CAST: variants seen among roughly 807,000 people sequenced by gnomAD.
The protein encoded by CAST is calpastatin.
A neutral mutation model predicts 119.6 loss-of-function variants in CAST; 76 were observed. That is an observed-to-expected ratio of 0.64 (90% confidence interval 0.53 to 0.77). The LOEUF is 0.77. Ranked by LOEUF, CAST falls within the 30% of genes least tolerant of loss-of-function variation. The probability of loss-of-function intolerance (pLI) is 0.00; values close to 1 mark genes in which losing one functional copy is unlikely to be tolerated. For synonymous variants in CAST, 319 were observed against 331.6 expected (o/e 0.96, Z 0.41); for missense variants, 953 against 946.5 (o/e 1.01, Z -0.09).
chr5:96,059,329 C>T, the CAST span, among the ~76,000 whole-genome samples: 1 of 152,114 alleles, frequency 6.6e-6, no homozygotes. Flanking sequence ...AGCTACAATT[C>T]TTTGCCAAAG....
chr5:96,298,886 G>GTGTGTGTGTT, the CAST span, among the ~76,000 whole-genome samples: 4 of 151,722 alleles, frequency 2.6e-5, no homozygotes, highest in Non-Finnish European at 5.9e-5. Context: ...GAGAGTGTGT[G>GTGTGTGTGTT]TGTGTGTGTG....
At chr5:96,362,916 G>A in the CAST span, among the ~76,000 whole-genome samples, 1 of 152,158 alleles carries the variant, frequency 6.6e-6, no homozygotes, top group Non-Finnish European at 1.5e-5. Flanking sequence ...GCCCATGCCT[G>A]TGTCCTGAAT....
the CAST span, among the ~76,000 whole-genome samples, chr5:96,284,671 A>G: frequency 6.6e-6 from 1 of 152,324 alleles, no homozygotes; most frequent in South Asian, 2.1e-4. Flanking sequence ...TCTGTATGCC[A>G]TACTAATTAC....
the CAST span, among the ~76,000 whole-genome samples, chr5:96,483,483 C>CA: frequency 6.6e-6 from 1 of 151,742 alleles, no homozygotes; most frequent in Admixed American, 6.6e-5. Flanking sequence ...GAGGTTAATT[C>CA]AAAAAACACT....
At chr5:96,398,411 A>G in the CAST span, among the ~76,000 whole-genome samples, 14 of 152,234 alleles carry the variant, frequency 9.2e-5, no homozygotes, top group Non-Finnish European at 2.1e-4. Context: ...ATGTTCATAC[A>G]TCATATAAAA....
At chr5:96,219,163 AC>A in the CAST span, among the ~76,000 whole-genome samples, 1 of 152,152 alleles carries the variant, frequency 6.6e-6, no homozygotes, top group South Asian at 2.1e-4. Context: ...CTATGTCATG[AC>A]AGATATATAA....
the CAST span, among the ~76,000 whole-genome samples, chr5:96,169,637 C>T: frequency 6.6e-6 from 1 of 151,934 alleles, no homozygotes; most frequent in South Asian, 2.1e-4. Context: ...GGGATATTGG[C>T]GTTGAGTGGG....
In CAST at chr5:96,773,955, A is replaced by C. The variant is rs957127691; in HGVS notation, c.*1339A>C. On this transcript the variant is annotated 3_prime_UTR_variant, in exon 32 of 32. Transcript: ENST00000675179. ...TTATAAATGGCACCACATCTTGTTAACCTCCCCCCCAAATACTCTCTGAAA... is the reference window on the plus strand; with the variant it reads ...TTATAAATGGCACCACATCTTGTTACCCTCCCCCCCAAATACTCTCTGAAA... The C allele has an allele frequency of 2.6e-5, 4 of 152,058 alleles. No homozygotes were observed. Among genetic ancestry groups the C allele is most frequent in the Non-Finnish European group, 4.4e-5 (3 of 67,992 alleles). The allele number at this position is 152,058 out of a possible 1,614,324, so 9.4% of individuals were successfully genotyped here.
At chr5:96,410,804 G>C in the CAST span, 1 of 1,614,116 alleles carries the variant, frequency 6.2e-7, no homozygotes. Context: ...CTCCGCTGCT[G>C]TAAGAGGTGG....
At chr5:96,402,861 T>G in the CAST span, among the ~76,000 whole-genome samples, 1 of 152,178 alleles carries the variant, frequency 6.6e-6, no homozygotes, top group Non-Finnish European at 1.5e-5. Flanking sequence ...TTAGGGATCC[T>G]CAGTGAGTCC....
At chr5:96,283,844 A>C in the CAST span, among the ~76,000 whole-genome samples, 8 of 152,226 alleles carry the variant, frequency 5.3e-5, no homozygotes, top group African/African-American at 1.9e-4. Context: ...ATGACTTCAC[A>C]AACTGTTAGT....
the CAST span, chr5:96,416,066 C>G: frequency 6.2e-7 from 1 of 1,613,046 alleles, no homozygotes; most frequent in Non-Finnish European, 8.5e-7. Flanking sequence ...ACTCCAACCC[C>G]GCATTTGTGA....
At chr5:96,571,363 C>CA in intron 1 of CAST, among the ~76,000 whole-genome samples, 1 of 152,290 alleles carries the variant, frequency 6.6e-6, no homozygotes, top group African/African-American at 2.4e-5. Flanking sequence ...AGAAACTGCT[C>CA]CACCCTTCCT....
At chr5:96,722,787 T>A (rs1487663935) in intron 4 of CAST, 89 bp downstream of exon 4, 15 of 919,032 alleles carry the variant, frequency 1.6e-5, no homozygotes, top group Middle Eastern at 4.3e-4. Context: ...GATGATGAGT[T>A]ATATATGCTA....
At chr5:96,423,385 C>T in the CAST span, 15 of 1,613,852 alleles carry the variant, frequency 9.3e-6, no homozygotes, top group South Asian at 1.1e-5. Context: ...CTCCTTTGCC[C>T]GTAATGCCTT....
At chr5:96,432,255 C>T in the CAST span, 1 of 797,262 alleles carries the variant, frequency 1.3e-6, no homozygotes, top group Non-Finnish European at 2.0e-6. Flanking sequence ...GTCTTTCACC[C>T]ACCATTTCTC....
At chr5:96,135,201 A>G in the CAST span, among the ~76,000 whole-genome samples, 1 of 152,218 alleles carries the variant, frequency 6.6e-6, no homozygotes, top group Admixed American at 6.5e-5. Context: ...AATTTATTTT[A>G]CTTACTGCTT....
At chr5:96,501,039 T>G in the CAST span, among the ~76,000 whole-genome samples, 10 of 151,920 alleles carry the variant, frequency 6.6e-5, no homozygotes, top group Admixed American at 3.3e-4. Flanking sequence ...TGGCACCAAG[T>G]GCAAATAAAA....
chr5:96,476,435 C>T, the CAST span, among the ~76,000 whole-genome samples: 4 of 152,214 alleles, frequency 2.6e-5, no homozygotes, highest in East Asian at 7.7e-4. Flanking sequence ...ATCTGCCCTC[C>T]CAGCAATATT....
Sources: gnomAD v4.1 joint callset for allele counts (sites outside exome capture counted in the v4.1 genomes callset) on GRCh38, gnomAD v4.1.1 for gene constraint, MANE v1.5 for transcripts, NCBI Gene and HGNC (gene_info 2026-07-23, HGNC 2026-07-21) for gene names.